HELQ: variants seen among roughly 807,000 people sequenced by gnomAD.
HELQ encodes the protein helicase POLQ-like.
HELQ carries 77 observed loss-of-function variants against 111.6 expected under a neutral mutation model. The observed-to-expected ratio is 0.69, with a 90% CI of 0.57 to 0.83. The LOEUF is 0.83. HELQ is among the 40% of genes least tolerant of loss of function. HELQ has a pLI of 0.00. For missense variants in HELQ, 1,200 were observed against 1,288.5 expected (o/e 0.93, Z 1.05); for synonymous variants, 438 against 454.7 (o/e 0.96, Z 0.47).
chr4:83,453,031 G>C, intron 2 of HELQ, 200 bp downstream of exon 2: 2 of 488,040 alleles, frequency 4.1e-6, no homozygotes, highest in Non-Finnish European at 7.2e-6. Flanking sequence ...TAACTGGTTT[G>C]ATAAGTGTGA....
chr4:83,444,507 G>A lies in HELQ; in HGVS notation c.1466-893C>T, dbSNP rs1001136176. Among the ~76,000 whole-genome samples the A allele has an allele frequency of 4.0e-4, 61 of 152,042 alleles. 1 individual carries two copies. The highest frequency in any genetic ancestry group is 3.4e-3 in the Middle Eastern group (1 of 294). On this transcript the variant is annotated intron_variant, in intron 5 of 17. Transcript: ENST00000295488. Reference sequence around the variant, plus strand: ...GCAGTTCTCCTTGCCCCAACCTCCCGAGTAGTTGGGACTATAGTTTTTGTT... The same window carrying A: ...GCAGTTCTCCTTGCCCCAACCTCCCAAGTAGTTGGGACTATAGTTTTTGTT...
chr4:83,424,009 A>G (rs1445708972), intron 14 of HELQ, among the ~76,000 whole-genome samples: 1 of 152,164 alleles, frequency 6.6e-6, no homozygotes, highest in Admixed American at 6.5e-5. Flanking sequence ...AATCAATTAG[A>G]TTTTAAGTAT....
chr4:83,422,530 T>C (rs1719589967), intron 14 of HELQ, among the ~76,000 whole-genome samples: 1 of 152,098 alleles, frequency 6.6e-6, no homozygotes, highest in South Asian at 2.1e-4. Context: ...AATGTGAAGA[T>C]GGAGGCTGAG....
chr4:83,455,606 T>TG lies in HELQ; in HGVS notation c.87dup (p.Thr30HisfsTer10), dbSNP rs1419699220. 1 of 1,613,602 alleles carries TG rather than the reference T, an allele frequency of 6.2e-7. No individual in the cohort carries two copies. Among genetic ancestry groups the TG allele is most frequent in the Non-Finnish European group, 8.5e-7 (1 of 1,179,786 alleles). ...TCTCCGGGCACGAGCTCGGCCGCGG[T>TG]GGGAGCGCCAAAAATACACCCCAAG... On this transcript the variant is annotated frameshift_variant, in exon 1 of 18. Coordinates refer to ENST00000295488, the MANE Select transcript of HELQ (RefSeq NM_133636.5). LOFTEE classifies it high-confidence loss of function.
Position 83,448,877 on chromosome 4 carries a change from G to GT in HELQ, c.1096dup (p.Thr366AsnfsTer5). The GT allele has an allele frequency of 6.2e-7, 1 of 1,613,454 alleles. No individual in the cohort carries two copies. The highest frequency in any genetic ancestry group is 8.5e-7 in the Non-Finnish European group (1 of 1,179,598). On this transcript the variant is annotated frameshift_variant, in exon 3 of 18. Transcript: ENST00000295488. LOFTEE classifies it high-confidence loss of function. ...CAGCATTAAAATCTCAGCCACGAGG[G>GT]TTTTTCCACCACTTGTTGGCAAGGA...
chr4:83,419,403 T>A (rs1388739618), intron 15 of HELQ, among the ~76,000 whole-genome samples: 1 of 150,406 alleles, frequency 6.6e-6, no homozygotes, highest in Non-Finnish European at 1.5e-5. Flanking sequence ...CACAGCAAGA[T>A]CCCTGCCTCT....
chr4:83,426,064 T>C lies in HELQ; in HGVS notation c.2705A>G (p.Asn902Ser), dbSNP rs1719832285. 5 of 1,608,882 alleles carry C rather than the reference T, an allele frequency of 3.1e-6. No homozygotes were observed. Among genetic ancestry groups the C allele is most frequent in the Non-Finnish European group, 4.3e-6 (5 of 1,175,754 alleles). The change falls in exon 14 of 18, where the codon AAT (asparagine) becomes AGT (serine). Residue 902 changes from asparagine to serine, a missense_variant. Transcript: ENST00000295488. ...AGAGACTCCAAGAATGGCAGCTACA[T>C]TTTGTTCTGCTGGACTGAGTTGGCT... ...QFSQLSPAEQ[N>S]VAAILGVSES...
chr4:83,453,873 C>A lies in HELQ; in HGVS notation c.370G>T (p.Asp124Tyr), dbSNP rs558853380. The change falls in exon 2 of 18, where the codon GAC (aspartate) becomes TAC (tyrosine). Residue 124 changes from aspartate to tyrosine, a missense_variant. Transcript: ENST00000295488. ...TGCATATATTTTTGTTCCAGGTCGT[C>A]AACTTGAGCTATAAAGGAGTTTTCA... ...FTENSFIAQV[D>Y]DLEQKYMQLP... 6.2e-7 allele frequency: 1 copy of A among 1,613,908 alleles called. No homozygotes were observed. The highest frequency in any genetic ancestry group is 1.7e-5 in the Admixed American group (1 of 59,990).
At chr4:83,432,928 T>C (rs1245798027) in intron 9 of HELQ, among the ~76,000 whole-genome samples, 2 of 151,996 alleles carry the variant, frequency 1.3e-5, no homozygotes, top group African/African-American at 2.4e-5. Context: ...GGCATGGTAG[T>C]GTGCCCCTGT....
chr4:83,437,744 T>C lies in HELQ; in HGVS notation c.1809-647A>G, dbSNP rs72927520. On this transcript the variant is annotated intron_variant, in intron 8 of 17. Transcript: ENST00000295488. ...TCCATGGACACCAGGTTTAGACCTT[T>C]GCTCTGGATGTTATAACTGTTTTTT... Among the ~76,000 whole-genome samples, 1,076 of 152,294 alleles carry C rather than the reference T, an allele frequency of 7.1e-3. 9 individuals carry two copies. The highest frequency in any genetic ancestry group is 0.025 in the African/African-American group (1,032 of 41,570).
intron 1 of HELQ, among the ~76,000 whole-genome samples, chr4:83,454,646 C>T (rs377230265): frequency 6.3e-4 from 94 of 150,106 alleles, no homozygotes; most frequent in African/African-American, 2.3e-3. Flanking sequence ...GTTTTGAACG[C>T]GAACTTCTGG....
intron 5 of HELQ, among the ~76,000 whole-genome samples, chr4:83,445,607 T>C (rs1397915848): frequency 6.6e-6 from 1 of 152,134 alleles, no homozygotes; most frequent in Non-Finnish European, 1.5e-5. Context: ...GTTATATGTA[T>C]TATTATGGTG....
intron 9 of HELQ, among the ~76,000 whole-genome samples, chr4:83,433,393 C>T (rs951009647): frequency 4.6e-5 from 7 of 152,000 alleles, no homozygotes; most frequent in Non-Finnish European, 1.0e-4. Flanking sequence ...ATTGGCGGGG[C>T]GTGGTGGCTC....
In HELQ at chr4:83,455,654, G is replaced by C. The variant is rs751623089; in HGVS notation, c.40C>G (p.Leu14Val). ...CGSRIRRRVSLPKRNRPSLGC... is the reference protein window; with the variant it reads ...CGSRIRRRVSVPKRNRPSLGC... ...AAGCTTGGACGGTTCCTTTTGGGGA[G>C]AGACACCCGCCGGCGGATGCGGGAA... The change falls in exon 1 of 18, where the codon CTC (leucine) becomes GTC (valine). Residue 14 changes from leucine to valine, a missense_variant. Physicochemically the swap from Leu to Val is conservative, Grantham distance 32 (BLOSUM62 1). Transcript: ENST00000295488. 5.6e-6 allele frequency: 9 copies of C among 1,612,540 alleles called. No individual in the cohort carries two copies. Among genetic ancestry groups the C allele is most frequent in the South Asian group, 3.3e-5 (3 of 91,076 alleles).
chr4:83,446,139 A>G (rs141664955), intron 4 of HELQ, 53 bp from the exon 5 acceptor site: 14,515 of 1,146,144 alleles, frequency 0.013, 133 homozygotes, highest in Non-Finnish European at 0.017. Flanking sequence ...TATAGTGCTC[A>G]TATAAAACAT....
chr4:83,411,793 G>A (rs1192536439), intron 17 of HELQ, among the ~76,000 whole-genome samples: 1 of 151,374 alleles, frequency 6.6e-6, no homozygotes, highest in African/African-American at 2.4e-5. Context: ...ACATCACCAT[G>A]CCTGGCTAAT....
chr4:83,416,889 T>A (rs1251449862), intron 16 of HELQ, 24 bp from the exon 17 acceptor site: 1 of 1,562,918 alleles, frequency 6.4e-7, no homozygotes, highest in Non-Finnish European at 8.6e-7. Context: ...CAAAAATCAG[T>A]AGGATAATAG....
intron 2 of HELQ, among the ~76,000 whole-genome samples, chr4:83,449,736 G>A (rs972612945): frequency 2.0e-5 from 3 of 152,078 alleles, no homozygotes; most frequent in South Asian, 2.1e-4. Flanking sequence ...CACAGCAGAC[G>A]GCAAATGGCC....
At chr4:83,407,688 G>A in intron 17 of HELQ, 128 bp from the exon 18 acceptor site, 1 of 621,006 alleles carries the variant, frequency 1.6e-6, no homozygotes, top group Non-Finnish European at 2.8e-6. Context: ...ACTATAATGA[G>A]ATTGAAAAAT....
Sources: gnomAD v4.1 joint callset for allele counts (sites outside exome capture counted in the v4.1 genomes callset) on GRCh38, gnomAD v4.1.1 for gene constraint, MANE v1.5 for transcripts, NCBI Gene and HGNC (gene_info 2026-07-23, HGNC 2026-07-21) for gene names.